CASS4: variants seen among roughly 807,000 people sequenced by gnomAD.
The protein encoded by CASS4 is Cas scaffold protein family member 4, also known as cas scaffolding protein family member 4.
A neutral mutation model predicts 54.2 loss-of-function variants in CASS4; 22 were observed. The observed-to-expected ratio is 0.41, with a 90% CI of 0.29 to 0.58. CASS4 has a LOEUF of 0.58. Ranked by LOEUF, CASS4 falls within the 20% of genes least tolerant of loss-of-function variation. The pLI, the probability that CASS4 is intolerant of heterozygous loss-of-function variation, is 0.36. For synonymous variants in CASS4, 409 were observed against 391.5 expected, an observed-to-expected ratio of 1.04 and a Z score of -0.53; for missense variants, 854 against 986.7, an observed-to-expected ratio of 0.87 and a Z score of 1.80.
intron 1 of CASS4, among the ~76,000 whole-genome samples, chr20:56,425,007 C>T (rs1389446752): frequency 1.3e-5 from 2 of 152,110 alleles, no homozygotes; most frequent in Non-Finnish European, 2.9e-5. Context: ...AATGTTTTCC[C>T]CAACATCACA....
rs76820681 is a variant in CASS4 at position 56,451,235 on chromosome 20, G to A, written c.642+556G>A. Among the ~76,000 whole-genome samples, 92 of 152,214 alleles carry A rather than the reference G, an allele frequency of 6.0e-4. 1 individual carries two copies. In the East Asian group the frequency reaches 0.017, roughly 28 times the overall value. ...AGTGAGATAATCCTGCAAAGGACCC[G>A]GGACAGTGCCTGGCATGGTGTGAAA... is the stretch of plus-strand genomic sequence containing the variant. On this transcript the variant is annotated intron_variant, in intron 4 of 5. Transcript: ENST00000679887.
intron 1 of CASS4, among the ~76,000 whole-genome samples, chr20:56,416,623 A>C (rs1361427455): frequency 6.6e-6 from 1 of 152,054 alleles, no homozygotes; most frequent in Non-Finnish European, 1.5e-5. Context: ...TTTTTTCCCC[A>C]ATAACATGAT....
chr20:56,450,906 C>T (rs562440608), intron 4 of CASS4, among the ~76,000 whole-genome samples: 2 of 151,178 alleles, frequency 1.3e-5, no homozygotes, highest in East Asian at 1.9e-4. Flanking sequence ...TGGTAGTGGG[C>T]GCCTGTAATC....
Position 56,450,663 on chromosome 20 carries a change from C to A in CASS4, c.626C>A (p.Pro209Gln). Residue 209 changes from proline to glutamine, a missense_variant, in exon 4 of 6, where the codon CCA becomes CAA. Coordinates refer to ENST00000679887, the MANE Select transcript of CASS4 (RefSeq NM_020356.4). ...CCCAAGAAGGCAGGACTCCATCCCC[C>A]AGACAGCCAAGCAAGTGTAAGTATG... ...ASPKKAGLHPPDSQASGQGVP... is the reference protein window; with the variant it reads ...ASPKKAGLHPQDSQASGQGVP... The A allele has an allele frequency of 6.2e-7, 1 of 1,614,108 alleles. No homozygotes were observed. Among genetic ancestry groups the A allele is most frequent in the Non-Finnish European group, 8.5e-7 (1 of 1,179,982 alleles).
Position 56,426,404 on chromosome 20 carries a change from G to A in CASS4, c.37-10760G>A, listed in dbSNP as rs116297152. ...AGCTATCCTGATTCCCGAGGCGTTG[G>A]CTAAACAGTGGACAAGACTGACACA... On this transcript the variant is annotated intron_variant, in intron 1 of 5. Transcript: ENST00000679887. Among the ~76,000 whole-genome samples the A allele has an allele frequency of 5.6e-3, 856 of 152,292 alleles. 11 individuals are homozygous for A. The highest frequency in any genetic ancestry group is 0.019 in the African/African-American group (793 of 41,556).
intron 3 of CASS4, among the ~76,000 whole-genome samples, chr20:56,447,939 G>A (rs6127754): frequency 0.26 from 40,024 of 151,924 alleles, 6,523 homozygotes; most frequent in East Asian, 0.55. Flanking sequence ...TCAGGAGGTG[G>A]AGACCACCCT....
chr20:56,458,362 A>C lies in CASS4; in HGVS notation c.1976A>C (p.Gln659Pro). 1 of 1,612,444 alleles carries C rather than the reference A, an allele frequency of 6.2e-7. No individual in the cohort carries two copies. Residue 659 changes from glutamine to proline, a missense_variant, in exon 6 of 6, where the codon CAG (glutamine) becomes CCG (proline). Physicochemically the swap from Gln to Pro is moderately conservative, Grantham distance 76. Transcript: ENST00000679887. ...TAGAATCCTGGCCCTCTTATACCTCAGCCTTCGAGTCAACAGACTCCTGAG... is the reference window on the plus strand; with the variant it reads ...TAGAATCCTGGCCCTCTTATACCTCCGCCTTCGAGTCAACAGACTCCTGAG... ...CGQNPGPLIP[Q>P]PSSQQTPERK...
At chr20:56,446,369 G>C (rs1404486272) in intron 3 of CASS4, among the ~76,000 whole-genome samples, 1 of 152,014 alleles carries the variant, frequency 6.6e-6, no homozygotes, top group African/African-American at 2.4e-5. Context: ...GGGATTATGG[G>C]CATAAGCCAC....
rs1394610997 is a variant in CASS4 at position 56,414,975 on chromosome 20, A to G, written c.36+2481A>G. 6.6e-6 allele frequency among the ~76,000 whole-genome samples: 1 copy of G among 152,094 alleles called. No homozygotes were observed. Among genetic ancestry groups the G allele is most frequent in the Admixed American group, 6.6e-5 (1 of 15,250 alleles). The stretch of plus-strand genomic sequence containing the variant: ...ACTATTACATCCTCACAACATCCTC[A>G]TGAAGCAGAGGTATTATTCCCCTGT... On this transcript the variant is annotated intron_variant, in intron 1 of 5. Transcript: ENST00000679887. This position sits in a 1 kb window ranked among gnomAD's most constrained non-coding sequence, Gnocchi z 4.1.
intron 1 of CASS4, among the ~76,000 whole-genome samples, chr20:56,424,740 C>CAAA (rs759106984): frequency 0.15 from 10,457 of 71,858 alleles, 855 homozygotes; most frequent in Non-Finnish European, 0.2. Context: ...GACTCTGTCT[C>CAAA]AAAAAAAAAA....
At chr20:56,455,906 G>A (rs973104211) in intron 5 of CASS4, among the ~76,000 whole-genome samples, 5 of 152,122 alleles carry the variant, frequency 3.3e-5, no homozygotes, top group Admixed American at 3.3e-4. Context: ...ACTCCAGCCT[G>A]GGCAACAAGA....
rs767396207 is a variant in CASS4 at position 56,445,925 on chromosome 20, T to A, written c.485T>A (p.Val162Asp). The A allele has an allele frequency of 1.2e-6, 2 of 1,614,040 alleles. No homozygotes were observed. Among genetic ancestry groups the A allele is most frequent in the South Asian group, 2.2e-5 (2 of 91,088 alleles). Residue 162 changes from valine (V) to aspartate (D), a missense_variant, in exon 3 of 6, where the codon GTC becomes GAC. Coordinates refer to ENST00000679887, the MANE Select transcript of CASS4 (RefSeq NM_020356.4). ...GCCATCCTCACGCTTCCCAGACCTG[T>A]CCGGGCCTCACTGCCGACTCTGCCT... ...KQAILTLPRP[V>D]RASLPTLPSQ... is the part of the protein sequence containing the mutation.
chr20:56,452,814 T>C lies in CASS4; in HGVS notation c.1638T>C (p.Val546=), dbSNP rs536166322. The change falls in exon 5 of 6, where the codon GTT becomes GTC. Residue 546 remains valine, a synonymous_variant. Coordinates refer to ENST00000679887, the MANE Select transcript of CASS4 (RefSeq NM_020356.4). The stretch of plus-strand genomic sequence containing the variant: ...ATAATCGCAATTGGCCTCTGGAAGT[T>C]CTTGTGACTGACAGTGTCCAGAACA... ...SLDNRNWPLE[V]LVTDSVQNSP... is the part of the protein sequence containing the mutation. 2 of 1,614,020 alleles carry C rather than the reference T, an allele frequency of 1.2e-6. No homozygotes were observed. The highest frequency in any genetic ancestry group is 2.7e-5 in the African/African-American group (2 of 74,986).
At position 56,450,566 on chromosome 20, in the gene CASS4, T is replaced by G. The variant is rs761676974; in HGVS notation, c.562-33T>G. On this transcript the variant is annotated intron_variant, in intron 3 of 5. Coordinates refer to ENST00000679887, the MANE Select transcript of CASS4 (RefSeq NM_020356.4). ...ATGTGTAGCCATTAGGAAAGAAACA[T>G]TCAAGTTGTCTGCCTTTGTGGTCTT... 3 of 1,597,382 alleles carry G rather than the reference T, an allele frequency of 1.9e-6. No homozygotes were observed. In the South Asian group the frequency reaches 3.3e-5, roughly 18 times the overall value.
At chr20:56,422,083 T>C (rs188016041) in intron 1 of CASS4, among the ~76,000 whole-genome samples, 15 of 152,086 alleles carry the variant, frequency 9.9e-5, no homozygotes, top group Non-Finnish European at 1.8e-4. Flanking sequence ...CTTCGGTGGG[T>C]TTTTCATGAG....
intron 1 of CASS4, among the ~76,000 whole-genome samples, chr20:56,426,370 G>A (rs1979637714): frequency 1.3e-5 from 2 of 152,166 alleles, no homozygotes; most frequent in South Asian, 2.1e-4. Flanking sequence ...ACAGAGTTGA[G>A]AACCCGCGAG....
intron 1 of CASS4, among the ~76,000 whole-genome samples, chr20:56,436,570 C>T (rs1408245080): frequency 6.6e-6 from 1 of 151,940 alleles, no homozygotes; most frequent in East Asian, 1.9e-4. Context: ...AGCTAATTTG[C>T]TTAAAGGTAC....
At position 56,452,325 on chromosome 20, in the gene CASS4, G is replaced by A. The variant is rs895670548; in HGVS notation, c.1149G>A (p.Trp383Ter). 1.2e-6 allele frequency: 2 copies of A among 1,613,906 alleles called. No homozygotes were observed. Among genetic ancestry groups the A allele is most frequent in the Non-Finnish European group, 1.7e-6 (2 of 1,180,030 alleles). ...SENSAGHNSS[W>*]FSRRTTSPSP... ...ATTCCGCGGGCCATAATTCCTCATG[G>A]TTCTCCAGACGGACAACTTCCCCAT... is the stretch of plus-strand genomic sequence containing the variant. Residue 383 changes from tryptophan to a stop codon, truncating the protein, a stop_gained, in exon 5 of 6, where the codon TGG becomes TGA. Transcript: ENST00000679887. LOFTEE classifies it high-confidence loss of function.
rs78321980 is a variant in CASS4 at position 56,427,173 on chromosome 20, TAA to T, written c.37-9973_37-9972del. On this transcript the variant is annotated intron_variant, in intron 1 of 5. Coordinates refer to ENST00000679887, the MANE Select transcript of CASS4 (RefSeq NM_020356.4). ...GGCAACATAGCAAGACCCTGTCTCT[TAA>T]AAAAAAAAAAAAAAAAACCCTCTGT... Among the ~76,000 whole-genome samples, 423 of 127,876 alleles carry T rather than the reference TAA, an allele frequency of 3.3e-3. 5 individuals are homozygous for T. Among genetic ancestry groups the T allele is most frequent in the African/African-American group, 9.8e-3 (352 of 35,882 alleles). The allele number at this position is 127,876 out of a possible 152,430, so 83.9% of individuals were successfully genotyped here. A position where few individuals can be genotyped will look rare whatever the true frequency, so the allele number is the denominator to read the frequency against.
Sources: allele counts gnomAD v4.1 joint callset (sites outside exome capture counted in the v4.1 genomes callset), GRCh38; gene constraint gnomAD v4.1.1; non-coding constraint Gnocchi (gnomAD v3.1); transcripts MANE v1.5; gene names NCBI Gene and HGNC (gene_info 2026-07-23, HGNC 2026-07-21).